TBCD: variants seen among roughly 807,000 people sequenced by gnomAD.
TBCD encodes the protein tubulin-specific chaperone D.
Under a neutral mutation model 169.3 loss-of-function variants are expected in TBCD, and 105 were observed. The observed-to-expected ratio is 0.62, with a 90% CI of 0.53 to 0.73. TBCD has a LOEUF of 0.73. TBCD is among the 30% of genes least tolerant of loss of function. The probability of loss-of-function intolerance (pLI) is 0.00; values close to 1 mark genes in which losing one functional copy is unlikely to be tolerated. For synonymous variants in TBCD, 700 were observed against 643.9 expected, an observed-to-expected ratio of 1.09 and a Z score of -1.32; for missense variants, 1,444 against 1,600.1, an observed-to-expected ratio of 0.90 and a Z score of 1.66.
At chr17:82,872,846 C>A (rs920520014) in intron 14 of TBCD, among the ~76,000 whole-genome samples, 1 of 152,232 alleles carries the variant, frequency 6.6e-6, no homozygotes, top group African/African-American at 2.4e-5. Flanking sequence ...AGGCCCATCA[C>A]CTGGTGGCCG....
intron 16 of TBCD, chr17:82,893,246 T>C (rs1428625871): frequency 2.4e-6 from 1 of 413,814 alleles, no homozygotes; most frequent in Non-Finnish European, 4.4e-6. Flanking sequence ...ACGGTGTATG[T>C]TTTCGGGAAA....
Position 82,800,880 on chromosome 17 carries a change from G to A in TBCD, c.834G>A (p.Arg278=), listed in dbSNP as rs767798433. The A allele has an allele frequency of 6.2e-7, 1 of 1,612,678 alleles. No homozygotes were observed. The highest frequency in any genetic ancestry group is 1.1e-5 in the South Asian group (1 of 91,016). The change falls in exon 9 of 39, where the codon AGG becomes AGA. Residue 278 remains arginine (R), a synonymous_variant. Coordinates refer to ENST00000355528, the MANE Select transcript of TBCD (RefSeq NM_005993.5). ...DCLPYAATVL[R]CLDGCRLPES... ...TGTTTGCAGCTGCCACTGTCCTCAG[G>A]TGCCTCGATGGCTGCAGACTCCCTG...
chr17:82,869,895 CTGCGTTT>C (rs1349792019), intron 13 of TBCD, among the ~76,000 whole-genome samples: 2 of 149,756 alleles, frequency 1.3e-5, no homozygotes, highest in African/African-American at 5.1e-5. Flanking sequence ...CTGGCAGGAG[CTGCGTTT>C]CCTTGAGTCT....
chr17:82,894,009 A>G (rs1057012705), intron 17 of TBCD, among the ~76,000 whole-genome samples: 1 of 78,400 alleles, frequency 1.3e-5, no homozygotes, highest in South Asian at 4.4e-4. Context: ...GCACGGCCAC[A>G]CCTCCTCCTG....
rs1047852416 is a variant in TBCD, at chr17:82,920,779, T to C, written c.2101+161T>C. Among the ~76,000 whole-genome samples the C allele has an allele frequency of 6.9e-6, 1 of 144,838 alleles. No individual in the cohort carries two copies. Among genetic ancestry groups the C allele is most frequent in the African/African-American group, 2.5e-5 (1 of 40,612 alleles). On this transcript the variant is annotated intron_variant, in intron 24 of 38. Transcript: ENST00000355528. This position sits in a 1 kb window ranked among gnomAD's most constrained non-coding sequence, Gnocchi z 4.1. ...CTTGAAGTTGTTACAAGAACCTGCT[T>C]AAATAATGGGTACCCACCGCCCTCT...
At position 82,782,997 on chromosome 17, in the gene TBCD, C is replaced by T. The variant is rs987634244; in HGVS notation, c.771+1276C>T. Among the ~76,000 whole-genome samples the T allele has an allele frequency of 5.9e-5, 9 of 151,492 alleles. No homozygotes were observed. The South Asian group carries it at 1.5e-3, about 25-fold the overall frequency. On this transcript the variant is annotated intron_variant, in intron 7 of 38. Coordinates refer to ENST00000355528, the MANE Select transcript of TBCD (RefSeq NM_005993.5). This position sits in a 1 kb window ranked among gnomAD's most constrained non-coding sequence, Gnocchi z 5.1. ...CCTGTCCGCTGTGCCCTCCTGTCCG[C>T]GGCGTCGTCTTCCTGTCTGTGGTAT...
At chr17:82,813,304 C>T (rs540044083) in intron 12 of TBCD, among the ~76,000 whole-genome samples, 1 of 152,280 alleles carries the variant, frequency 6.6e-6, no homozygotes, top group East Asian at 1.9e-4. Flanking sequence ...TCCCGCTCAT[C>T]CGCCCACTCA....
chr17:82,858,657 A>T, intron 13 of TBCD: 1 of 985,378 alleles, frequency 1.0e-6, no homozygotes, highest in Non-Finnish European at 1.2e-6. Context: ...TTGCTTTTGA[A>T]TGTGCCTGAG....
rs148109487 is a variant in TBCD, at chr17:82,932,824, A to G, written c.3191+89A>G. ...AAAGTCATCAGACACAGAGATCAGA[A>G]TTCCAGGAAATGATCTTCCAGTGCG... On this transcript the variant is annotated intron_variant, in intron 34 of 38. Coordinates refer to ENST00000355528, the MANE Select transcript of TBCD (RefSeq NM_005993.5). 1,217 of 1,324,824 alleles carry G rather than the reference A, an allele frequency of 9.2e-4. 4 individuals are homozygous for G. In the African/African-American group the frequency reaches 0.011, roughly 12 times the overall value. The allele number at this position is 1,324,824 out of a possible 1,614,324, so 82.1% of individuals were successfully genotyped here. A position where few individuals can be genotyped will look rare whatever the true frequency, so the allele number is the denominator to read the frequency against.
chr17:82,882,710 G>A (rs944621211), intron 14 of TBCD, among the ~76,000 whole-genome samples: 2 of 152,156 alleles, frequency 1.3e-5, no homozygotes, highest in Admixed American at 6.5e-5. Context: ...TGGGTCTGGG[G>A]CAACAGACAG....
At chr17:82,938,487 C>G (rs981323260) in intron 36 of TBCD, among the ~76,000 whole-genome samples, 1 of 152,204 alleles carries the variant, frequency 6.6e-6, no homozygotes, top group Non-Finnish European at 1.5e-5. Context: ...TATTAGATTT[C>G]TAGGATTTCT....
intron 13 of TBCD, among the ~76,000 whole-genome samples, chr17:82,863,634 C>G (rs1041734336): frequency 3.3e-5 from 5 of 152,132 alleles, no homozygotes; most frequent in Admixed American, 6.5e-5. Context: ...AGTGCCCTCC[C>G]AAAACTCTGC....
At chr17:82,821,907 T>G (rs568635589) in intron 13 of TBCD, among the ~76,000 whole-genome samples, 1 of 152,348 alleles carries the variant, frequency 6.6e-6, no homozygotes, top group East Asian at 1.9e-4. Context: ...TCGAAAAAAT[T>G]TTAATAAACA....
At chr17:82,799,625 G>T (rs772788223) in intron 8 of TBCD, among the ~76,000 whole-genome samples, 2 of 152,136 alleles carry the variant, frequency 1.3e-5, no homozygotes, top group Non-Finnish European at 2.9e-5. Context: ...TCCCTGCACC[G>T]CACAGGAGGG....
chr17:82,804,526 C>T lies in TBCD; in HGVS notation c.951-1349C>T, dbSNP rs1338806065. Among the ~76,000 whole-genome samples, 5 of 152,226 alleles carry T rather than the reference C, an allele frequency of 3.3e-5. No homozygotes were observed. In the East Asian group the frequency reaches 7.7e-4, roughly 23 times the overall value. On this transcript the variant is annotated intron_variant, in intron 9 of 38. Coordinates refer to ENST00000355528, the MANE Select transcript of TBCD (RefSeq NM_005993.5). ...GGCGCCGGCCTGGCCACTGCCGTCT[C>T]AAGGCCTGCATTGCTGGGGGGTGTG... is the stretch of plus-strand genomic sequence containing the variant.
intron 8 of TBCD, among the ~76,000 whole-genome samples, 155 bp from the exon 9 acceptor site, chr17:82,800,709 C>T (rs1048168950): frequency 3.3e-5 from 5 of 152,124 alleles, no homozygotes; most frequent in Non-Finnish European, 7.4e-5. Flanking sequence ...TCAACTCCAG[C>T]AGCTCTTGGT....
At chr17:82,798,975 C>T (rs1011769828) in intron 8 of TBCD, among the ~76,000 whole-genome samples, 1 of 151,930 alleles carries the variant, frequency 6.6e-6, no homozygotes, top group African/African-American at 2.4e-5. Flanking sequence ...CTCAAGTGAT[C>T]TGCCCTGCCT....
Position 82,835,144 on chromosome 17 carries a change from C to T in TBCD, c.1318+20210C>T, listed in dbSNP as rs922377253. On this transcript the variant is annotated intron_variant, in intron 13 of 38. Coordinates refer to ENST00000355528, the MANE Select transcript of TBCD (RefSeq NM_005993.5). This position sits in a 1 kb window ranked among gnomAD's most constrained non-coding sequence, Gnocchi z 4.5. Reference sequence around the variant, plus strand: ...TTTTTAAGGAATGGGCAGATGTGCCCATTCTTGAGTCTGTGAGGTTTTATG... The same window carrying T: ...TTTTTAAGGAATGGGCAGATGTGCCTATTCTTGAGTCTGTGAGGTTTTATG... 6.6e-6 allele frequency among the ~76,000 whole-genome samples: 1 copy of T among 152,116 alleles called. No individual in the cohort carries two copies. The highest frequency in any genetic ancestry group is 1.5e-5 in the Non-Finnish European group (1 of 68,002).
chr17:82,933,105 G>A (rs1389813579), intron 34 of TBCD, among the ~76,000 whole-genome samples: 1 of 152,096 alleles, frequency 6.6e-6, no homozygotes, highest in Admixed American at 6.5e-5. Context: ...GCAGGGGAGA[G>A]GGCAGAGGCC....
Sources: gnomAD v4.1 joint callset for allele counts (sites outside exome capture counted in the v4.1 genomes callset) on GRCh38, gnomAD v4.1.1 for gene constraint, Gnocchi (gnomAD v3.1) non-coding constraint, MANE v1.5 for transcripts, NCBI Gene and HGNC (gene_info 2026-07-23, HGNC 2026-07-21) for gene names.